The following CLIP2 variants were observed in gnomAD, a reference collection of about 807,000 sequenced individuals.
CLIP2 encodes the protein CAP-Gly domain containing linker protein 2, also known as CAP-Gly domain-containing linker protein 2.
Under a neutral mutation model 111.7 loss-of-function variants are expected in CLIP2, and 41 were observed. The observed-to-expected ratio is 0.37, with a 90% CI of 0.29 to 0.48. The LOEUF is 0.48. Among genes scored for constraint, CLIP2 ranks in the 20% least tolerant of loss-of-function variants. The probability of loss-of-function intolerance (pLI) is 0.99; values close to 1 mark genes in which losing one functional copy is unlikely to be tolerated. For missense variants in CLIP2, 1,160 were observed against 1,422.1 expected, an observed-to-expected ratio of 0.82 and a Z score of 2.96; for synonymous variants, 660 against 644.2, an observed-to-expected ratio of 1.02 and a Z score of -0.37.
At chr7:74,343,907 A>G (rs1056546165) in intron 3 of CLIP2, among the ~76,000 whole-genome samples, 1 of 152,032 alleles carries the variant, frequency 6.6e-6, no homozygotes, top group Admixed American at 6.6e-5. Flanking sequence ...TGTCTTAAAA[A>G]AAAAAGAGAG....
chr7:74,336,183 T>A (rs1789451466), intron 2 of CLIP2, among the ~76,000 whole-genome samples: 1 of 152,054 alleles, frequency 6.6e-6, no homozygotes, highest in South Asian at 2.1e-4. Context: ...TTCTCCTGCC[T>A]CAGCCTCCCA....
At chr7:74,294,764 G>A (rs1339202476) in intron 1 of CLIP2, among the ~76,000 whole-genome samples, 2 of 152,120 alleles carry the variant, frequency 1.3e-5, no homozygotes, top group Non-Finnish European at 2.9e-5. Context: ...GAAGACATCC[G>A]CCCTGCTTCC....
At chr7:74,297,084 G>A (rs1788191006) in intron 1 of CLIP2, among the ~76,000 whole-genome samples, 2 of 152,192 alleles carry the variant, frequency 1.3e-5, no homozygotes, top group Non-Finnish European at 2.9e-5. Flanking sequence ...TCCTCAGTCA[G>A]CTTGGGCCTG....
chr7:74,391,546 G>A (rs370234864), intron 13 of CLIP2, among the ~76,000 whole-genome samples: 46 of 152,184 alleles, frequency 3.0e-4, no homozygotes, highest in African/African-American at 1.1e-3. Flanking sequence ...GGGGCCAGGC[G>A]CAGTGCTTCA....
chr7:74,361,001 A>C (rs1584359966), intron 7 of CLIP2, among the ~76,000 whole-genome samples: 1 of 149,554 alleles, frequency 6.7e-6, no homozygotes, highest in Admixed American at 6.7e-5. Flanking sequence ...TGAATGCCCC[A>C]CCCCTCCACC....
intron 1 of CLIP2, among the ~76,000 whole-genome samples, chr7:74,300,691 C>CAA (rs1554726695): frequency 2.0e-5 from 3 of 151,152 alleles, no homozygotes; most frequent in South Asian, 2.1e-4. Flanking sequence ...CTCCTGACCT[C>CAA]ATGATCCACC....
At chr7:74,355,587 G>T (rs1554308339) in intron 4 of CLIP2, among the ~76,000 whole-genome samples, 1 of 152,108 alleles carries the variant, frequency 6.6e-6, no homozygotes, top group African/African-American at 2.4e-5. Flanking sequence ...TCCAGCCTGG[G>T]TAACAGAGCC....
intron 1 of CLIP2, among the ~76,000 whole-genome samples, chr7:74,311,099 C>T (rs1554728459): frequency 6.6e-6 from 1 of 151,838 alleles, no homozygotes; most frequent in African/African-American, 2.4e-5. Flanking sequence ...CCTGCCTCAG[C>T]CTCCCGAGTA....
At chr7:74,401,059 C>T (rs907767142) in intron 15 of CLIP2, among the ~76,000 whole-genome samples, 2 of 151,450 alleles carry the variant, frequency 1.3e-5, no homozygotes, top group East Asian at 3.9e-4. Context: ...TCCCGGGAAC[C>T]TTGATCTGAA....
chr7:74,353,797 G>C, intron 3 of CLIP2, 83 bp from the exon 4 acceptor site: 2 of 1,589,366 alleles, frequency 1.3e-6, no homozygotes, highest in Non-Finnish European at 1.7e-6. Context: ...GGGATGGATG[G>C]GATAAGCCTG....
intron 2 of CLIP2, among the ~76,000 whole-genome samples, chr7:74,332,282 C>T (rs1789309716): frequency 6.6e-6 from 1 of 151,868 alleles, no homozygotes; most frequent in Admixed American, 6.6e-5. Flanking sequence ...CCATGTTGAC[C>T]AGGCTGTTCT....
At chr7:74,365,851 C>A (rs1790461259) in intron 8 of CLIP2, among the ~76,000 whole-genome samples, 1 of 152,066 alleles carries the variant, frequency 6.6e-6, no homozygotes, top group South Asian at 2.1e-4. Context: ...ACTTCCTGGG[C>A]TCAAGTGATG....
At chr7:74,346,253 T>G (rs1789792988) in intron 3 of CLIP2, among the ~76,000 whole-genome samples, 1 of 151,950 alleles carries the variant, frequency 6.6e-6, no homozygotes, top group Non-Finnish European at 1.5e-5. Flanking sequence ...AGTGTTGGGA[T>G]TACAGGTGTG....
chr7:74,358,780 A>T (rs529933094), intron 6 of CLIP2, among the ~76,000 whole-genome samples: 1 of 151,984 alleles, frequency 6.6e-6, no homozygotes, highest in South Asian at 2.1e-4. Context: ...TATGTTGCCC[A>T]GGCTGGTCTG....
chr7:74,335,144 G>T (rs1332775233), intron 2 of CLIP2, among the ~76,000 whole-genome samples: 5 of 151,868 alleles, frequency 3.3e-5, no homozygotes, highest in Admixed American at 6.6e-5. Context: ...GGTGGTGCAT[G>T]CCTGTAATCC....
chr7:74,356,653 C>T lies in CLIP2; in HGVS notation c.1017+30C>T, dbSNP rs1554308545. ...GGGTGGGGCTGCAGAAGGGGATTCT[C>T]TGGTGTGCGTTTGGGAGGGGTGAGG... On this transcript the variant is annotated intron_variant, in intron 5 of 16. Coordinates refer to ENST00000223398, the MANE Select transcript of CLIP2 (RefSeq NM_003388.5). 3.2e-6 allele frequency: 5 copies of T among 1,587,250 alleles called. No individual in the cohort carries two copies. In the South Asian group the frequency reaches 4.5e-5, roughly 14 times the overall value.
At chr7:74,294,591 G>T (rs1448167844) in intron 1 of CLIP2, among the ~76,000 whole-genome samples, 5 of 152,108 alleles carry the variant, frequency 3.3e-5, no homozygotes, top group Non-Finnish European at 7.4e-5. Flanking sequence ...AGGAGCGCCT[G>T]GTTTTTCAGC....
Position 74,389,170 on chromosome 7 carries a change from G to A in CLIP2, c.2631G>A (p.Leu877=). The A allele has an allele frequency of 6.2e-7, 1 of 1,613,742 alleles. No individual in the cohort carries two copies. Among genetic ancestry groups the A allele is most frequent in the Non-Finnish European group, 8.5e-7 (1 of 1,179,950 alleles). The change falls in exon 13 of 17, where the codon CTG becomes CTA. Residue 877 remains leucine, a synonymous_variant. Coordinates refer to ENST00000223398, the MANE Select transcript of CLIP2 (RefSeq NM_003388.5). ...CCCTCCTGAAGGAGAAGCGGCGCCT[G>A]GAGGCAGAGCTGGAGACCGTGTCCC... ...VDALLKEKRR[L]EAELETVSRK...
At chr7:74,351,138 A>G (rs532485321) in intron 3 of CLIP2, among the ~76,000 whole-genome samples, 1 of 151,158 alleles carries the variant, frequency 6.6e-6, no homozygotes, top group South Asian at 2.1e-4. Context: ...AAAGAAAGAG[A>G]GAGAGAGAGA....
Sources: gnomAD v4.1 joint callset for allele counts (sites outside exome capture counted in the v4.1 genomes callset) on GRCh38, gnomAD v4.1.1 for gene constraint, MANE v1.5 for transcripts, NCBI Gene and HGNC (gene_info 2026-07-23, HGNC 2026-07-21) for gene names.